Variants in ADAM10 observed in about 807,000 individuals in gnomAD.
ADAM10 encodes ADAM metallopeptidase domain 10, also known as disintegrin and metalloproteinase domain-containing protein 10.
A neutral mutation model predicts 90.1 loss-of-function variants in ADAM10; 17 were observed. The observed-to-expected ratio is 0.19, with a 90% CI of 0.13 to 0.28. The LOEUF is 0.28. ADAM10 is among the 10% of genes least tolerant of loss of function. The pLI is 1.00. For synonymous variants in ADAM10, 310 were observed against 298.6 expected, an observed-to-expected ratio of 1.04 and a Z score of -0.40; for missense variants, 610 against 914.3, an observed-to-expected ratio of 0.67 and a Z score of 4.29.
intron 1 of ADAM10, among the ~76,000 whole-genome samples, chr15:58,747,005 T>C (rs1361305430): frequency 1.3e-5 from 2 of 152,192 alleles, no homozygotes; most frequent in Non-Finnish European, 2.9e-5. Context: ...AGCAGTAATG[T>C]ACAAAGCTAA....
intron 5 of ADAM10, among the ~76,000 whole-genome samples, chr15:58,661,444 T>C (rs1051761328): frequency 1.3e-5 from 2 of 152,190 alleles, no homozygotes; most frequent in Non-Finnish European, 2.9e-5. Flanking sequence ...TGGCAGGTTT[T>C]CTGTCAACAC....
chr15:58,682,142 T>C (rs1313691050), intron 3 of ADAM10, 54 bp downstream of exon 3: 1 of 1,600,954 alleles, frequency 6.2e-7, no homozygotes, highest in Admixed American at 1.7e-5. Flanking sequence ...AATGAGTATC[T>C]TTGTGTAGAA....
At chr15:58,624,678 G>A (rs1339661534) in intron 10 of ADAM10, among the ~76,000 whole-genome samples, 3 of 151,928 alleles carry the variant, frequency 2.0e-5, no homozygotes, top group South Asian at 2.1e-4. Context: ...GACTACAGGC[G>A]CACGCCACCA....
chr15:58,641,867 T>A (rs188968102), intron 7 of ADAM10, among the ~76,000 whole-genome samples: 1 of 152,296 alleles, frequency 6.6e-6, no homozygotes, highest in Non-Finnish European at 1.5e-5. Flanking sequence ...TAATGGTTGA[T>A]ACAACAAGAG....
In ADAM10 at chr15:58,610,977, CTTGT is replaced by C. The variant is rs1895422870; in HGVS notation, c.1804+18_1804+21del. On this transcript the variant is annotated intron_variant, in intron 13 of 15. Coordinates refer to ENST00000260408, the MANE Select transcript of ADAM10 (RefSeq NM_001110.4). ...AATAGTTTGAGGCAAATTTTATACT[CTTGT>C]GTTTTTAAAAGCCTTACTTTTCTTC... 1 of 1,568,304 alleles carries C rather than the reference CTTGT, an allele frequency of 6.4e-7. No homozygotes were observed. The highest frequency in any genetic ancestry group is 1.4e-5 in the African/African-American group (1 of 73,906).
At chr15:58,678,357 C>T (rs930328150) in intron 4 of ADAM10, among the ~76,000 whole-genome samples, 112 of 152,132 alleles carry the variant, frequency 7.4e-4, no homozygotes, top group Non-Finnish European at 1.3e-3. Context: ...AAATTTCTGT[C>T]TATACAAAGG....
intron 3 of ADAM10, 100 bp downstream of exon 3, chr15:58,682,096 T>C (rs1449983073): frequency 1.6e-5 from 24 of 1,542,678 alleles, no homozygotes; most frequent in Non-Finnish European, 2.1e-5. Context: ...TCCTCTGGAT[T>C]TATAACCTTT....
chr15:58,604,534 C>A (rs991263689), intron 14 of ADAM10, among the ~76,000 whole-genome samples: 2 of 152,174 alleles, frequency 1.3e-5, no homozygotes, highest in Non-Finnish European at 2.9e-5. Flanking sequence ...CCTATTACCT[C>A]AGTACCTACC....
At chr15:58,615,412 T>A (rs2141002831) in intron 11 of ADAM10, among the ~76,000 whole-genome samples, 1 of 152,136 alleles carries the variant, frequency 6.6e-6, no homozygotes, top group South Asian at 2.1e-4. Flanking sequence ...TGAATGGGCC[T>A]ATTTTAATCT....
At chr15:58,616,203 T>C (rs1287926420) in intron 11 of ADAM10, among the ~76,000 whole-genome samples, 3 of 152,190 alleles carry the variant, frequency 2.0e-5, no homozygotes, top group African/African-American at 4.8e-5. Flanking sequence ...CAACAGCCCA[T>C]TCTCAGCACT....
chr15:58,640,010 G>A (rs143748624), intron 8 of ADAM10, among the ~76,000 whole-genome samples: 152 of 152,136 alleles, frequency 1.0e-3, no homozygotes, highest in African/African-American at 3.4e-3. Context: ...CAAAGAGCCT[G>A]GGGTCCTTTC....
intron 8 of ADAM10, among the ~76,000 whole-genome samples, chr15:58,634,761 G>A (rs192560830): frequency 1.3e-5 from 2 of 152,140 alleles, no homozygotes; most frequent in Admixed American, 6.5e-5. Flanking sequence ...AGCGTATTAC[G>A]ATAACTGCTC....
chr15:58,726,554 G>C (rs1899034335), intron 1 of ADAM10, among the ~76,000 whole-genome samples: 1 of 92,202 alleles, frequency 1.1e-5, no homozygotes, highest in Non-Finnish European at 1.9e-5. Flanking sequence ...GACAGAGCGA[G>C]ACCTCAGTCT....
chr15:58,745,380 C>T (rs899716926), intron 1 of ADAM10, among the ~76,000 whole-genome samples: 2 of 152,224 alleles, frequency 1.3e-5, no homozygotes, highest in African/African-American at 4.8e-5. Flanking sequence ...TGACCCTCAA[C>T]TAATTTTTTC....
At chr15:58,601,613 T>A (rs1206689207) in intron 14 of ADAM10, among the ~76,000 whole-genome samples, 1 of 152,126 alleles carries the variant, frequency 6.6e-6, no homozygotes, top group African/African-American at 2.4e-5. Flanking sequence ...AAGACAATCA[T>A]CAAAATCAGG....
intron 15 of ADAM10, among the ~76,000 whole-genome samples, chr15:58,598,967 A>C (rs1895033840): frequency 6.6e-6 from 1 of 152,194 alleles, no homozygotes; most frequent in Non-Finnish European, 1.5e-5. Context: ...ATGTCCCCAC[A>C]AGCATCACCC....
At chr15:58,707,796 G>A (rs1450245133) in intron 2 of ADAM10, among the ~76,000 whole-genome samples, 1 of 152,174 alleles carries the variant, frequency 6.6e-6, no homozygotes, top group Non-Finnish European at 1.5e-5. Context: ...AACATTAAGG[G>A]CCTGGTGCAG....
chr15:58,677,175 T>C (rs1422709941), intron 4 of ADAM10, among the ~76,000 whole-genome samples: 1 of 152,180 alleles, frequency 6.6e-6, no homozygotes, highest in Non-Finnish European at 1.5e-5. Context: ...CCCATCCTCA[T>C]ATCCTACAAT....
intron 5 of ADAM10, among the ~76,000 whole-genome samples, chr15:58,656,190 T>G (rs1408566786): frequency 2.6e-5 from 4 of 152,220 alleles, no homozygotes; most frequent in Admixed American, 2.6e-4. Flanking sequence ...ATTTTCAGTC[T>G]ATGTGTATCT....
Sources: allele counts gnomAD v4.1 joint callset (sites outside exome capture counted in the v4.1 genomes callset), GRCh38; gene constraint gnomAD v4.1.1; transcripts MANE v1.5; gene names NCBI Gene and HGNC (gene_info 2026-07-23, HGNC 2026-07-21).